The following FHIT variants were observed in gnomAD, a reference collection of about 807,000 sequenced individuals.
The protein encoded by FHIT is fragile histidine triad diadenosine triphosphatase.
FHIT carries 19 observed loss-of-function variants against 17.9 expected under a neutral mutation model. The ratio of observed to expected loss-of-function variants is 1.06; its 90% CI spans 0.74 to 1.56. The LOEUF is 1.56. Ranked by LOEUF, FHIT falls within the 40% of genes most tolerant of loss-of-function variation. FHIT has a pLI of 0.00. For synonymous variants in FHIT, 81 were observed against 69.7 expected, an observed-to-expected ratio of 1.16 and a Z score of -0.81; for missense variants, 248 against 189.2, an observed-to-expected ratio of 1.31 and a Z score of -1.82.
chr3:60,442,712 C>T (rs1004880711), intron 5 of FHIT, among the ~76,000 whole-genome samples: 2 of 152,228 alleles, frequency 1.3e-5, no homozygotes, highest in African/African-American at 2.4e-5. Flanking sequence ...AGTGTGATGC[C>T]TCTAGCTTTG....
chr3:59,908,031 T>G (rs1403240930), intron 8 of FHIT, among the ~76,000 whole-genome samples: 1 of 152,172 alleles, frequency 6.6e-6, no homozygotes, highest in East Asian at 1.9e-4. Flanking sequence ...TCCAAGGTCA[T>G]CTCCTTATCT....
intron 4 of FHIT, among the ~76,000 whole-genome samples, chr3:60,674,759 C>A (rs1310301338): frequency 6.6e-5 from 10 of 152,120 alleles, no homozygotes; most frequent in Non-Finnish European, 1.5e-4. Flanking sequence ...TCTGGGCAAC[C>A]ACTAGTGTCT....
chr3:60,319,326 G>T (rs1215172138), intron 5 of FHIT, among the ~76,000 whole-genome samples: 1 of 152,064 alleles, frequency 6.6e-6, no homozygotes, highest in Non-Finnish European at 1.5e-5. Flanking sequence ...TTCCCGACTA[G>T]TATGGCAGAA....
intron 4 of FHIT, among the ~76,000 whole-genome samples, chr3:60,751,604 G>A (rs1575478894): frequency 1.3e-5 from 2 of 152,132 alleles, no homozygotes; most frequent in African/African-American, 4.8e-5. Flanking sequence ...CTTTTTGGTT[G>A]AGAAAGCTTT....
At chr3:60,534,301 C>T (rs1436258729) in intron 5 of FHIT, among the ~76,000 whole-genome samples, 2 of 149,460 alleles carry the variant, frequency 1.3e-5, no homozygotes, top group Non-Finnish European at 3.0e-5. Context: ...GGCGCGGTGG[C>T]GGGCGCCTGT....
intron 7 of FHIT, among the ~76,000 whole-genome samples, chr3:60,006,100 G>A (rs1293118629): frequency 6.6e-6 from 1 of 152,162 alleles, no homozygotes; most frequent in African/African-American, 2.4e-5. Flanking sequence ...TCAGGTAACT[G>A]TGAAGTACTC....
intron 5 of FHIT, among the ~76,000 whole-genome samples, chr3:60,389,875 A>G (rs1701153924): frequency 2.0e-5 from 3 of 152,110 alleles, no homozygotes; most frequent in African/African-American, 2.4e-5. Flanking sequence ...GTCCACCTCC[A>G]CATTTTTCCC....
intron 5 of FHIT, among the ~76,000 whole-genome samples, chr3:60,048,297 C>T (rs1221590159): frequency 1.3e-5 from 2 of 152,190 alleles, no homozygotes; most frequent in African/African-American, 4.8e-5. Context: ...CTGCCTCAGC[C>T]TCCCGAGTAG....
intron 8 of FHIT, among the ~76,000 whole-genome samples, chr3:59,774,852 G>A (rs551861674): frequency 6.4e-4 from 97 of 152,312 alleles, no homozygotes; most frequent in Non-Finnish European, 1.2e-3. Context: ...GGACTTGAAT[G>A]TGGTTCTATC....
At chr3:60,514,148 C>G (rs921868559) in intron 5 of FHIT, among the ~76,000 whole-genome samples, 2 of 152,206 alleles carry the variant, frequency 1.3e-5, no homozygotes, top group Admixed American at 6.5e-5. Flanking sequence ...CCTGATTCTT[C>G]CTGGATGCCA....
At chr3:60,242,748 T>G (rs1327686220) in intron 5 of FHIT, among the ~76,000 whole-genome samples, 1 of 152,126 alleles carries the variant, frequency 6.6e-6, no homozygotes. Flanking sequence ...TTCTTTCTAT[T>G]GGTTAGAAGA....
chr3:61,247,586 G>C (rs565779286), intron 1 of FHIT, among the ~76,000 whole-genome samples: 2 of 152,226 alleles, frequency 1.3e-5, no homozygotes, highest in Non-Finnish European at 2.9e-5. Context: ...CCACACAAGA[G>C]AGTGTCACTG....
At chr3:60,272,317 T>C (rs952022802) in intron 5 of FHIT, among the ~76,000 whole-genome samples, 2 of 152,132 alleles carry the variant, frequency 1.3e-5, no homozygotes, top group African/African-American at 4.8e-5. Flanking sequence ...TTAGCTAGGA[T>C]GGGAGAGAAA....
chr3:60,094,355 A>G (rs1278371062), intron 5 of FHIT, among the ~76,000 whole-genome samples: 2 of 152,186 alleles, frequency 1.3e-5, no homozygotes, highest in Non-Finnish European at 2.9e-5. Flanking sequence ...GGTCTGCTTC[A>G]TCTGACTCCT....
rs191325207 is a variant in FHIT at position 60,067,556 on chromosome 3, A to C, written c.104-53404T>G. Among the ~76,000 whole-genome samples the C allele has an allele frequency of 1.3e-4, 20 of 152,316 alleles. 1 individual carries two copies. The East Asian group carries it at 3.9e-3, about 29-fold the overall frequency. ...GGGCTTGCTAGTCATATTTGTCAAG[A>C]GAGCCCACAGGTACTATCTGGCTCA... On this transcript the variant is annotated intron_variant, in intron 5 of 9. Transcript: ENST00000492590.
intron 3 of FHIT, among the ~76,000 whole-genome samples, chr3:60,945,388 T>TA (rs1708593143): frequency 6.8e-6 from 1 of 147,930 alleles, no homozygotes; most frequent in African/African-American, 2.5e-5. Flanking sequence ...GATGGGGAGT[T>TA]ACTACAGGTT....
intron 5 of FHIT, among the ~76,000 whole-genome samples, chr3:60,472,647 G>T (rs1420325138): frequency 1.3e-5 from 2 of 152,118 alleles, no homozygotes; most frequent in East Asian, 1.9e-4. Flanking sequence ...GGGATTACAG[G>T]CATGAGCCAT....
intron 1 of FHIT, among the ~76,000 whole-genome samples, chr3:61,215,673 G>C (rs979706460): frequency 3.3e-5 from 5 of 152,284 alleles, no homozygotes; most frequent in African/African-American, 4.8e-5. Context: ...CCAAAAAAGA[G>C]CCCGCATCAC....
At chr3:61,048,581 G>A (rs1315732872) in intron 2 of FHIT, among the ~76,000 whole-genome samples, 9 of 152,120 alleles carry the variant, frequency 5.9e-5, no homozygotes, top group Non-Finnish European at 8.8e-5. Context: ...AATTCCTCAA[G>A]GATCTAGAAC....
Sources: gnomAD v4.1 joint callset for allele counts (sites outside exome capture counted in the v4.1 genomes callset) on GRCh38, gnomAD v4.1.1 for gene constraint, MANE v1.5 for transcripts, NCBI Gene and HGNC (gene_info 2026-07-23, HGNC 2026-07-21) for gene names.